The following ITPR3 variants were observed in gnomAD, a reference collection of about 807,000 sequenced individuals.
ITPR3 encodes inositol 1,4,5-trisphosphate-gated calcium channel ITPR3.
Under a neutral mutation model 293.2 loss-of-function variants are expected in ITPR3, and 173 were observed. The ratio of observed to expected loss-of-function variants is 0.59; its 90% CI spans 0.52 to 0.67. The LOEUF (loss-of-function observed/expected upper bound fraction) is 0.67, where lower values mean the gene tolerates loss of function less well. ITPR3 is among the 30% of genes least tolerant of loss of function. The pLI, the probability that ITPR3 is intolerant of heterozygous loss-of-function variation, is 0.00. For missense variants in ITPR3, 2,796 were observed against 3,592.1 expected, an observed-to-expected ratio of 0.78 and a Z score of 5.66; for synonymous variants, 1,295 against 1,444.4, an observed-to-expected ratio of 0.90 and a Z score of 2.35.
chr6:33,692,352 G>A lies in ITPR3; in HGVS notation c.7459-376G>A, dbSNP rs987732216. Among the ~76,000 whole-genome samples, 2 of 152,176 alleles carry A rather than the reference G, an allele frequency of 1.3e-5. No individual in the cohort carries two copies. The highest frequency in any genetic ancestry group is 1.3e-4 in the Admixed American group (2 of 15,276). ...TGGCCAGACAGAGGGTTTCTGGAAT[G>A]TGTGAGGCCAGGCGTCCTGAGGGTG... On this transcript the variant is annotated intron_variant, in intron 54 of 57. Coordinates refer to ENST00000605930, the MANE Select transcript of ITPR3 (RefSeq NM_002224.4). The surrounding 1 kb of genome is among the most constrained non-coding windows in gnomAD (Gnocchi z 4.2).
Position 33,663,787 on chromosome 6 carries a change from A to G in ITPR3, c.1055A>G (p.Tyr352Cys), listed in dbSNP as rs775427194. The part of the protein sequence containing the change: ...GRRNAGEKIK[Y>C]CLVAVPHGND... ...AGGAATGCTGGGGAGAAGATCAAGT[A>G]CTGCCTGGTGGCTGTGCCTCATGGC... The change falls in exon 11 of 58, where the codon TAC becomes TGC. Residue 352 changes from tyrosine to cysteine, a missense_variant. Physicochemically the swap from Tyr to Cys is radical, Grantham distance 194. Around this residue, in one of 8 missense-constraint regions of ITPR3, gnomAD observed 955 missense variants for 1,180.8 expected, o/e 0.81. Coordinates refer to ENST00000605930, the MANE Select transcript of ITPR3 (RefSeq NM_002224.4). 4.3e-6 allele frequency: 7 copies of G among 1,614,166 alleles called. No homozygotes were observed. Among genetic ancestry groups the G allele is most frequent in the Non-Finnish European group, 5.9e-6 (7 of 1,180,020 alleles).
At chr6:33,665,315 G>A in intron 13 of ITPR3, 102 bp downstream of exon 13, 1 of 1,465,770 alleles carries the variant, frequency 6.8e-7, no homozygotes, top group South Asian at 1.3e-5. Flanking sequence ...GCAAACTGGG[G>A]AGAGAGTAGG....
chr6:33,679,022 T>C lies in ITPR3; in HGVS notation c.3972+183T>C, dbSNP rs968439361. On this transcript the variant is annotated intron_variant, in intron 30 of 57. Transcript: ENST00000605930. The surrounding 1 kb of genome is among the most constrained non-coding windows in gnomAD (Gnocchi z 4.2). ...TGCAGATGTGGTAGAACTCAGCCTG[T>C]GGGCCTGATAGAACTCAAGCAGGGT... Among the ~76,000 whole-genome samples, 31 of 152,352 alleles carry C rather than the reference T, an allele frequency of 2.0e-4. No individual in the cohort carries two copies. Among genetic ancestry groups the C allele is most frequent in the Admixed American group, 1.8e-3 (28 of 15,304 alleles).
intron 9 of ITPR3, among the ~76,000 whole-genome samples, chr6:33,663,257 CGTCT>C (rs149523308): frequency 0.062 from 9,388 of 152,258 alleles, 881 homozygotes; most frequent in African/African-American, 0.2. Context: ...CAAAATTTCC[CGTCT>C]GTCTGTAATG....
rs1191195576 is a variant in ITPR3, at chr6:33,675,813, A to G, written c.3239A>G (p.Lys1080Arg). Residue 1080 changes from lysine (K) to arginine (R), a missense_variant, in exon 25 of 58, where the codon AAG becomes AGG. Physicochemically the swap from Lys to Arg is conservative, Grantham distance 26 (BLOSUM62 2). Around this residue, in one of 8 missense-constraint regions of ITPR3, gnomAD observed 955 missense variants for 1,180.8 expected, o/e 0.81. Coordinates refer to ENST00000605930, the MANE Select transcript of ITPR3 (RefSeq NM_002224.4). The surrounding 1 kb of genome is among the most constrained non-coding windows in gnomAD (Gnocchi z 5.0). Reference sequence around the variant, plus strand: ...TCGGGTGCCCTGCAGCTGCTCTTCAAGCACTTCAGCCAGCGCCAGGAGGCC... The same window carrying G: ...TCGGGTGCCCTGCAGCTGCTCTTCAGGCACTTCAGCCAGCGCCAGGAGGCC... ...LVSGALQLLFKHFSQRQEAMH... is the reference protein window; with the variant it reads ...LVSGALQLLFRHFSQRQEAMH... 1 of 1,596,894 alleles carries G rather than the reference A, an allele frequency of 6.3e-7. No homozygotes were observed. The highest frequency in any genetic ancestry group is 1.3e-5 in the African/African-American group (1 of 74,540).
Position 33,685,518 on chromosome 6 carries a change from G to A in ITPR3, c.5467G>A (p.Asp1823Asn), listed in dbSNP as rs1399408495. ...SQPHEDREPV[D>N]PTTKGRVASF... The stretch of plus-strand genomic sequence containing the variant: ...GCCACATGAGGACCGCGAGCCAGTC[G>A]ACCCCACCACCAAAGGTCAGGGGTC... Residue 1823 changes from aspartate to asparagine, a missense_variant, in exon 40 of 58, where the codon GAC (aspartate) becomes AAC (asparagine). Physicochemically the swap from Asp to Asn is conservative, Grantham distance 23. Coordinates refer to ENST00000605930, the MANE Select transcript of ITPR3 (RefSeq NM_002224.4). The A allele has an allele frequency of 1.8e-5, 29 of 1,613,290 alleles. No individual in the cohort carries two copies. The highest frequency in any genetic ancestry group is 2.4e-5 in the Non-Finnish European group (28 of 1,179,634).
At position 33,692,029 on chromosome 6, in the gene ITPR3, G is replaced by A; in HGVS notation, c.7458+101G>A. On this transcript the variant is annotated intron_variant, in intron 54 of 57. Transcript: ENST00000605930. The surrounding 1 kb of genome is among the most constrained non-coding windows in gnomAD (Gnocchi z 4.2). ...CCTTGGCCTCGCGTCAGATATTCAG[G>A]GTTGAACCCCCTCCCCCGAACTTGT... 6.7e-7 allele frequency: 1 copy of A among 1,491,834 alleles called. No homozygotes were observed. The highest frequency in any genetic ancestry group is 9.2e-7 in the Non-Finnish European group (1 of 1,083,628). The allele number at this position is 1,491,834 out of a possible 1,614,324, so 92.4% of individuals were successfully genotyped here. A position where few individuals can be genotyped will look rare whatever the true frequency, so the allele number is the denominator to read the frequency against.
intron 49 of ITPR3, 60 bp from the exon 50 acceptor site, chr6:33,689,178 C>A: frequency 1.9e-6 from 3 of 1,578,646 alleles, no homozygotes; most frequent in Non-Finnish European, 2.6e-6. Context: ...ACCTGTTGGA[C>A]CTGCTCTGGG....
At chr6:33,678,598 CGGGG>C in intron 29 of ITPR3, 37 bp from the exon 30 acceptor site, 4 of 1,100,320 alleles carry the variant, frequency 3.6e-6, no homozygotes, top group African/African-American at 3.4e-5. Context: ...GGGGTGGGGG[CGGGG>C]CCCAGATCTC....
intron 1 of ITPR3, among the ~76,000 whole-genome samples, chr6:33,623,078 G>A (rs980932802): frequency 2.0e-5 from 3 of 152,220 alleles, no homozygotes; most frequent in South Asian, 4.1e-4. Flanking sequence ...CTCCTCCAGA[G>A]AGCAGTGACT....
At chr6:33,688,486 T>C (rs1765300052) in intron 48 of ITPR3, 55 bp downstream of exon 48, 2 of 1,501,528 alleles carry the variant, frequency 1.3e-6, no homozygotes, top group Non-Finnish European at 1.8e-6. Context: ...ACTGATGCCC[T>C]GTTATAACGG....
Position 33,654,074 on chromosome 6 carries a change from C to T in ITPR3, c.161-1692C>T, listed in dbSNP as rs563440190. 6.2e-4 allele frequency among the ~76,000 whole-genome samples: 94 copies of T among 152,238 alleles called. No individual in the cohort carries two copies. Among genetic ancestry groups the T allele is most frequent in the African/African-American group, 2.0e-3 (83 of 41,544 alleles). ...CTTGAGGTCAGGAGTTTGAGACCAG[C>T]TTGGGCAATATGGCGAAACCCCGTC... On this transcript the variant is annotated intron_variant, in intron 2 of 57. Coordinates refer to ENST00000605930, the MANE Select transcript of ITPR3 (RefSeq NM_002224.4). This position sits in a 1 kb window ranked among gnomAD's most constrained non-coding sequence, Gnocchi z 4.1.
Position 33,687,583 on chromosome 6 carries a change from A to G in ITPR3, c.6264+19A>G, listed in dbSNP as rs1765268866. The stretch of plus-strand genomic sequence containing the variant: ...TTCCATGGTGGGTGCTGGCCCCGAG[A>G]CTGGGGTGGGGGTGGGGCCTGGAAC... On this transcript the variant is annotated intron_variant, in intron 46 of 57. Transcript: ENST00000605930. This position sits in a 1 kb window ranked among gnomAD's most constrained non-coding sequence, Gnocchi z 5.3. The G allele has an allele frequency of 8.2e-7, 1 of 1,213,248 alleles. No individual in the cohort carries two copies. Among genetic ancestry groups the G allele is most frequent in the African/African-American group, 1.4e-5 (1 of 69,456 alleles). The allele number at this position is 1,213,248 out of a possible 1,614,324, so 75.2% of individuals were successfully genotyped here. A position where few individuals can be genotyped will look rare whatever the true frequency, so the allele number is the denominator to read the frequency against.
At chr6:33,678,916 A>G (rs1003973407) in intron 30 of ITPR3, 77 bp downstream of exon 30, 110 of 1,424,888 alleles carry the variant, frequency 7.7e-5, no homozygotes, top group Non-Finnish European at 1.0e-4. Context: ...AAGGCCACAG[A>G]GTTAGAGAAG....
In ITPR3 at chr6:33,624,933, A is replaced by G. The variant is rs77770551; in HGVS notation, c.89+3242A>G. 9.1e-3 allele frequency among the ~76,000 whole-genome samples: 1,389 copies of G among 152,334 alleles called. 6 individuals carry two copies. Among genetic ancestry groups the G allele is most frequent in the Non-Finnish European group, 0.015 (1,054 of 68,046 alleles). ...TTAGAGGTCCTAGTGAAGATTGTAC[A>G]TTAACTCTAGGTGGGAAGGATGGGA... On this transcript the variant is annotated intron_variant, in intron 1 of 57. Coordinates refer to ENST00000605930, the MANE Select transcript of ITPR3 (RefSeq NM_002224.4). The surrounding 1 kb of genome is among the most constrained non-coding windows in gnomAD (Gnocchi z 4.7).
rs1334823345 is a variant in ITPR3, at chr6:33,673,652, A to G, written c.2990A>G (p.Glu997Gly). 3 of 1,613,830 alleles carry G rather than the reference A, an allele frequency of 1.9e-6. No homozygotes were observed. Among genetic ancestry groups the G allele is most frequent in the Non-Finnish European group, 2.5e-6 (3 of 1,179,888 alleles). ...TACCTGCTGTCTGTCTTCAAGAAGG[A>G]GTTTGTGGAGGTGTTTCCCATGCAG... ...ISYLLSVFKK[E>G]FVEVFPMQDS... is the part of the protein sequence containing the mutation. The change falls in exon 23 of 58, where the codon GAG (glutamate) becomes GGG (glycine). Residue 997 changes from glutamate (E) to glycine (G), a missense_variant. Transcript: ENST00000605930.
Position 33,682,497 on chromosome 6 carries a change from A to G in ITPR3, c.4477-27A>G, listed in dbSNP as rs1765104127. 2.0e-6 allele frequency: 3 copies of G among 1,492,940 alleles called. No homozygotes were observed. The highest frequency in any genetic ancestry group is 2.7e-6 in the Non-Finnish European group (3 of 1,119,768). 92.5% of individuals were successfully genotyped at this position (1,492,940 alleles called of 1,614,324 possible). ...TGCCCAGGGTGGGGGCCTGGGCTGC[A>G]GCAGCGGGCTCTGTGACTTCTTGCA... On this transcript the variant is annotated intron_variant, in intron 33 of 57. Transcript: ENST00000605930. The surrounding 1 kb of genome is among the most constrained non-coding windows in gnomAD (Gnocchi z 5.4).
At position 33,687,403 on chromosome 6, in the gene ITPR3, G is replaced by C; in HGVS notation, c.6178-75G>C. Reference sequence around the variant, plus strand: ...CCGCCCCAGCTGCCATCATCCCCCAGTCGCCATTGTCGCCCCCCAGCCACC... The same window carrying C: ...CCGCCCCAGCTGCCATCATCCCCCACTCGCCATTGTCGCCCCCCAGCCACC... On this transcript the variant is annotated intron_variant, in intron 45 of 57. Transcript: ENST00000605930. This position sits in a 1 kb window ranked among gnomAD's most constrained non-coding sequence, Gnocchi z 5.3. 6.8e-7 allele frequency: 1 copy of C among 1,480,362 alleles called. No individual in the cohort carries two copies. The highest frequency in any genetic ancestry group is 9.3e-7 in the Non-Finnish European group (1 of 1,078,948). The allele number at this position is 1,480,362 out of a possible 1,614,324, so 91.7% of individuals were successfully genotyped here. A position where few individuals can be genotyped will look rare whatever the true frequency, so the allele number is the denominator to read the frequency against.
Position 33,621,415 on chromosome 6 carries a change from G to A in ITPR3, c.-188G>A. The A allele has an allele frequency of 2.4e-6, 1 of 420,972 alleles. No homozygotes were observed. The highest frequency in any genetic ancestry group is 3.4e-5 in the South Asian group (1 of 29,636). The allele number at this position is 420,972 out of a possible 1,614,324, so 26.1% of individuals were successfully genotyped here. A position where few individuals can be genotyped will look rare whatever the true frequency, so the allele number is the denominator to read the frequency against. ...CAAGACGTGGGCACCTCCTCACCCG[G>A]ACCCCGGGCCCCGCCGAGCCGCCTC... is the stretch of plus-strand genomic sequence containing the variant. On this transcript the variant is annotated 5_prime_UTR_variant, in exon 1 of 58. Coordinates refer to ENST00000605930, the MANE Select transcript of ITPR3 (RefSeq NM_002224.4). This position sits in a 1 kb window ranked among gnomAD's most constrained non-coding sequence, Gnocchi z 7.7.
Sources: gnomAD v4.1 joint callset for allele counts (sites outside exome capture counted in the v4.1 genomes callset) on GRCh38, gnomAD v4.1.1 for gene constraint, gnomAD v4.1.1 regional missense constraint, Gnocchi (gnomAD v3.1) non-coding constraint, MANE v1.5 for transcripts, NCBI Gene and HGNC (gene_info 2026-07-23, HGNC 2026-07-21) for gene names.